The following CTRB2 variants were observed in gnomAD, a reference collection of about 807,000 sequenced individuals.
CTRB2 encodes the protein chymotrypsinogen B2, also known as chymotrypsin B2.
Under a neutral mutation model 19.3 loss-of-function variants are expected in CTRB2, and 9 were observed. The observed-to-expected ratio is 0.47, with a 90% CI of 0.28 to 0.81. The LOEUF is 0.81. Ranked by LOEUF, CTRB2 falls within the 40% of genes least tolerant of loss-of-function variation. The pLI, the probability that CTRB2 is intolerant of heterozygous loss-of-function variation, is 0.11. For missense variants in CTRB2, 210 were observed against 269.7 expected (o/e 0.78, Z 1.55); for synonymous variants, 98 against 117.3 (o/e 0.84, Z 1.06).
Position 75,204,322 on chromosome 16 carries a change from C to T in CTRB2, c.631G>A (p.Gly211Ser), listed in dbSNP as rs759430138. 4 of 1,613,868 alleles carry T rather than the reference C, an allele frequency of 2.5e-6. No homozygotes were observed. The South Asian group carries it at 3.3e-5, about 13-fold the overall frequency. Residue 211 changes from glycine to serine, a missense_variant and splice_region_variant, in exon 7 of 7, where the codon GGT becomes AGT. By Grantham distance (56) the Gly-to-Ser change is moderately conservative. Transcript: ENST00000303037. ...CAGACCAGGGGGCCTCCAGAGTCAC[C>T]CTGCAGGAAGGAGAGGAAGTATCTC... ...AGASGVSSCM[G>S]DSGGPLVCQK...
In CTRB2 at chr16:75,204,683, G is replaced by A. The variant is rs1418160114; in HGVS notation, c.630+90C>T. 38 of 1,547,476 alleles carry A rather than the reference G, an allele frequency of 2.5e-5. No individual in the cohort carries two copies. The South Asian group carries it at 4.5e-4, about 18-fold the overall frequency. The stretch of plus-strand genomic sequence containing the variant: ...TCACTGGGCCCCAGGAGGGTGTGGG[G>A]TTAGTAGATGAGAGCAGAGAGGGGT... On this transcript the variant is annotated intron_variant, in intron 6 of 6. Transcript: ENST00000303037.
intron 1 of CTRB2, 138 bp from the exon 2 acceptor site, chr16:75,206,331 T>C: frequency 1.1e-6 from 1 of 885,558 alleles, no homozygotes; most frequent in Non-Finnish European, 1.7e-6. Context: ...AAGTTGGCCC[T>C]GGCTCTCCTC....
chr16:75,204,115 G>C lies in CTRB2; in HGVS notation c.*46C>G. The C allele has an allele frequency of 2.5e-6, 4 of 1,612,154 alleles. No individual in the cohort carries two copies. The highest frequency in any genetic ancestry group is 2.2e-5 in the East Asian group (1 of 44,856). On this transcript the variant is annotated 3_prime_UTR_variant, in exon 7 of 7. Transcript: ENST00000303037. ...GTGCAGTCAGGGCTTCTAAACAGAT[G>C]CATTTAATGGGAAATCTTAAGGCAG... is the stretch of plus-strand genomic sequence containing the variant.
chr16:75,206,977 C>G (rs2038903102), intron 1 of CTRB2, 113 bp downstream of exon 1: 1 of 1,037,818 alleles, frequency 9.6e-7, no homozygotes, highest in Non-Finnish European at 1.4e-6. Context: ...CGCCCAGGCC[C>G]ACACTGCGGT....
chr16:75,206,447 G>T (rs868551882), intron 1 of CTRB2: 5 of 558,018 alleles, frequency 9.0e-6, no homozygotes, highest in Non-Finnish European at 1.6e-5. Context: ...AGTCACACAG[G>T]TGGAGCGTGC....
intron 6 of CTRB2, 166 bp downstream of exon 6, chr16:75,204,607 G>A: frequency 2.9e-6 from 4 of 1,363,584 alleles, no homozygotes; most frequent in East Asian, 2.5e-5. Flanking sequence ...AGCCTCAGCT[G>A]CATGGCCTGG....
At chr16:75,207,050 A>C in intron 1 of CTRB2, 40 bp downstream of exon 1, 1 of 1,542,258 alleles carries the variant, frequency 6.5e-7, no homozygotes, top group South Asian at 1.2e-5. Context: ...TGGGAGTGAG[A>C]GGAGAAAACC....
rs532655545 is a variant in CTRB2, at chr16:75,206,939, G to A, written c.52+151C>T. On this transcript the variant is annotated intron_variant, in intron 1 of 6. Transcript: ENST00000303037. Reference sequence around the variant, plus strand: ...GGGAGGGAGGCATTGACCTCTCAGCGCCCACGGCAGAGATGGAGCCGGTGA... The same window carrying A: ...GGGAGGGAGGCATTGACCTCTCAGCACCCACGGCAGAGATGGAGCCGGTGA... 1.1e-4 allele frequency: 80 copies of A among 742,190 alleles called. No individual in the cohort carries two copies. In the African/African-American group the frequency reaches 1.1e-3, roughly 10 times the overall value. 46.0% of individuals were successfully genotyped at this position (742,190 alleles called of 1,614,324 possible).
Position 75,204,254 on chromosome 16 carries a change from C to G in CTRB2, c.699G>C (p.Trp233Cys). 1 of 1,614,086 alleles carries G rather than the reference C, an allele frequency of 6.2e-7. No individual in the cohort carries two copies. Among genetic ancestry groups the G allele is most frequent in the Non-Finnish European group, 8.5e-7 (1 of 1,179,996 alleles). Residue 233 changes from tryptophan to cysteine, a missense_variant, in exon 7 of 7, where the codon TGG (tryptophan) becomes TGC (cysteine). By Grantham distance (215) the Trp-to-Cys change is radical (BLOSUM62 -2). Coordinates refer to ENST00000303037, the MANE Select transcript of CTRB2 (RefSeq NM_001025200.4). ...GAWTLVGIVSWGSRTCSTTTP... is the reference protein window; with the variant it reads ...GAWTLVGIVSCGSRTCSTTTP... ...TGGTGGTAGAGCAGGTGCGGCTGCCCCAGGACACAATGCCCACCAGGGTCC... is the reference window on the plus strand; with the variant it reads ...TGGTGGTAGAGCAGGTGCGGCTGCCGCAGGACACAATGCCCACCAGGGTCC...
In CTRB2 at chr16:75,206,115, G is replaced by A. The variant is rs1170624591; in HGVS notation, c.131C>T (p.Ser44Phe). The A allele has an allele frequency of 9.5e-5, 146 of 1,531,806 alleles. No individual in the cohort carries two copies. The highest frequency in any genetic ancestry group is 1.3e-4 in the Non-Finnish European group (143 of 1,133,578). 94.9% of individuals were successfully genotyped at this position (1,531,806 alleles called of 1,614,324 possible). A position where few individuals can be genotyped will look rare whatever the true frequency, so the allele number is the denominator to read the frequency against. Residue 44 changes from serine (S) to phenylalanine (F), a missense_variant, in exon 2 of 7, where the codon TCC (serine) becomes TTC (phenylalanine). Ser to Phe is a radical substitution (Grantham distance 155, BLOSUM62 -2). Coordinates refer to ENST00000303037, the MANE Select transcript of CTRB2 (RefSeq NM_001025200.4). ...IVNGEDAVPG[S>F]WPWQVSLQDK... ...CTGCAGGGACACCTGCCAGGGCCAG[G>A]AGCCGGGGACGGCGTCCTCCCCATT...
rs1425035273 is a variant in CTRB2 at position 75,204,676 on chromosome 16, G to A, written c.630+97C>T. 3.7e-5 allele frequency: 57 copies of A among 1,548,804 alleles called. No homozygotes were observed. In the South Asian group the frequency reaches 3.8e-4, roughly 10 times the overall value. On this transcript the variant is annotated intron_variant, in intron 6 of 6. Coordinates refer to ENST00000303037, the MANE Select transcript of CTRB2 (RefSeq NM_001025200.4). ...CTGGCCCTCACTGGGCCCCAGGAGGGTGTGGGGTTAGTAGATGAGAGCAGA... is the reference window on the plus strand; with the variant it reads ...CTGGCCCTCACTGGGCCCCAGGAGGATGTGGGGTTAGTAGATGAGAGCAGA...
chr16:75,206,545 G>C (rs1017489466), intron 1 of CTRB2: 7 of 389,340 alleles, frequency 1.8e-5, no homozygotes, highest in African/African-American at 1.2e-4. Flanking sequence ...AAGCCACTCA[G>C]TGTCCCCATC....
At chr16:75,206,987 T>G in intron 1 of CTRB2, 103 bp downstream of exon 1, 1 of 1,136,304 alleles carries the variant, frequency 8.8e-7, no homozygotes, top group Non-Finnish European at 1.3e-6. Flanking sequence ...CACACTGCGG[T>G]GCACAGCTGA....
At chr16:75,206,958 C>T (rs2038902482) in intron 1 of CTRB2, 132 bp downstream of exon 1, 6 of 853,482 alleles carry the variant, frequency 7.0e-6, no homozygotes, top group Non-Finnish European at 9.4e-6. Flanking sequence ...AGAGATGGAG[C>T]CGGTGACTCG....
chr16:75,206,329 C>A, intron 1 of CTRB2, 136 bp from the exon 2 acceptor site: 1 of 886,894 alleles, frequency 1.1e-6, no homozygotes, highest in Non-Finnish European at 1.7e-6. Flanking sequence ...AGAAGTTGGC[C>A]CTGGCTCTCC....
At position 75,204,253 on chromosome 16, in the gene CTRB2, C is replaced by T. The variant is rs2038867178; in HGVS notation, c.700G>A (p.Gly234Ser). 6.2e-7 allele frequency: 1 copy of T among 1,614,068 alleles called. No homozygotes were observed. The highest frequency in any genetic ancestry group is 1.3e-5 in the African/African-American group (1 of 75,006). ...AWTLVGIVSW[G>S]SRTCSTTTPA... is the part of the protein sequence containing the mutation. Reference sequence around the variant, plus strand: ...GTGGTGGTAGAGCAGGTGCGGCTGCCCCAGGACACAATGCCCACCAGGGTC... The same window carrying T: ...GTGGTGGTAGAGCAGGTGCGGCTGCTCCAGGACACAATGCCCACCAGGGTC... The change falls in exon 7 of 7, where the codon GGC becomes AGC. Residue 234 changes from glycine to serine, a missense_variant. Around this residue, in one of 4 missense-constraint regions of CTRB2, gnomAD observed 120 missense variants for 90.8 expected, o/e 1.32. Coordinates refer to ENST00000303037, the MANE Select transcript of CTRB2 (RefSeq NM_001025200.4).
chr16:75,206,390 T>C lies in CTRB2; in HGVS notation c.53-197A>G, dbSNP rs909636086. The C allele has an allele frequency of 1.9e-5, 12 of 616,058 alleles. No individual in the cohort carries two copies. The African/African-American group carries it at 2.2e-4, about 11-fold the overall frequency. The allele number at this position is 616,058 out of a possible 1,614,324, so 38.2% of individuals were successfully genotyped here. A position where few individuals can be genotyped will look rare whatever the true frequency, so the allele number is the denominator to read the frequency against. The stretch of plus-strand genomic sequence containing the variant: ...TACAACTGAGTCCAATGAACTGGGC[T>C]GTGGGCTGCTGAGGAATGGGGTGTT... On this transcript the variant is annotated intron_variant, in intron 1 of 6. Coordinates refer to ENST00000303037, the MANE Select transcript of CTRB2 (RefSeq NM_001025200.4).
chr16:75,204,164 G>GA lies in CTRB2; in HGVS notation c.788_789insT (p.Ter264LeufsTer11). ...AGGGGTGGCAGGAGCTGCGGGCTCA[G>GA]TTGGCGGCCAGGATCTTCTGCACCC... On this transcript the variant is annotated frameshift_variant, in exon 7 of 7. Transcript: ENST00000303037. LOFTEE classifies it high-confidence loss of function. 1 of 1,614,172 alleles carries GA rather than the reference G, an allele frequency of 6.2e-7. No homozygotes were observed. The highest frequency in any genetic ancestry group is 1.1e-5 in the South Asian group (1 of 91,084).
At chr16:75,204,438 G>A in intron 6 of CTRB2, 116 bp from the exon 7 acceptor site, 2 of 1,054,012 alleles carry the variant, frequency 1.9e-6, no homozygotes, top group Non-Finnish European at 2.7e-6. Flanking sequence ...GGGCATAGGG[G>A]CTGTGCCGGG....
Sources: allele counts gnomAD v4.1 joint callset, GRCh38; gene constraint gnomAD v4.1.1; regional missense constraint gnomAD v4.1.1; transcripts MANE v1.5; gene names NCBI Gene and HGNC (gene_info 2026-07-23, HGNC 2026-07-21).